DNAH9: variants seen among roughly 807,000 people sequenced by gnomAD.
The protein encoded by DNAH9 is DNAH9 variant protein.
A neutral mutation model predicts 471.6 loss-of-function variants in DNAH9; 345 were observed. The observed-to-expected ratio is 0.73, with a 90% CI of 0.67 to 0.80. The LOEUF (loss-of-function observed/expected upper bound fraction) is 0.80. Ranked by LOEUF, DNAH9 falls within the 30% of genes least tolerant of loss-of-function variation. The pLI is 0.00. For synonymous variants in DNAH9, 2,093 were observed against 2,123.6 expected, an observed-to-expected ratio of 0.99 and a Z score of 0.40; for missense variants, 5,407 against 5,609.2, an observed-to-expected ratio of 0.96 and a Z score of 1.15.
intron 6 of DNAH9, among the ~76,000 whole-genome samples, chr17:11,621,824 G>A (rs536538818): frequency 7.2e-5 from 11 of 152,272 alleles, no homozygotes; most frequent in South Asian, 6.2e-4. Flanking sequence ...GCTCACGCCT[G>A]TAATCCCAGC....
chr17:11,673,056 C>T (rs1003640818), intron 17 of DNAH9, among the ~76,000 whole-genome samples: 2 of 152,332 alleles, frequency 1.3e-5, no homozygotes, highest in Non-Finnish European at 2.9e-5. Context: ...TCCACACCTG[C>T]TCCTGAGCAA....
At chr17:11,874,872 GGTGA>G in intron 52 of DNAH9, 73 bp from the exon 53 acceptor site, 2 of 1,016,652 alleles carry the variant, frequency 2.0e-6, no homozygotes, top group South Asian at 2.9e-5. Context: ...TGTGTCATTT[GGTGA>G]GTAACTGCAT....
At position 11,608,159 on chromosome 17, in the gene DNAH9, A is replaced by T; in HGVS notation, c.448A>T (p.Asn150Tyr). 6.2e-7 allele frequency: 1 copy of T among 1,609,918 alleles called. No homozygotes were observed. The highest frequency in any genetic ancestry group is 8.5e-7 in the Non-Finnish European group (1 of 1,176,598). ...TCTACCCGTCCTGGCCAATGAGAAGAATCGCCTAAACTGGCCCCACATGAT... is the reference window on the plus strand; with the variant it reads ...TCTACCCGTCCTGGCCAATGAGAAGTATCGCCTAAACTGGCCCCACATGAT... Reference protein sequence around the residue: ...VVLPVLANEKNRLNWPHMICE... With the variant: ...VVLPVLANEKYRLNWPHMICE... The change falls in exon 2 of 69, where the codon AAT (asparagine) becomes TAT (tyrosine). Residue 150 changes from asparagine to tyrosine, a missense_variant. Physicochemically the swap from Asn to Tyr is moderately radical, Grantham distance 143 (BLOSUM62 -2). Around this residue, in one of 3 missense-constraint regions of DNAH9, gnomAD observed 767 missense variants for 692.5 expected, o/e 1.11. Coordinates refer to ENST00000262442, the MANE Select transcript of DNAH9 (RefSeq NM_001372.4).
chr17:11,625,555 C>G (rs909039124), intron 6 of DNAH9, among the ~76,000 whole-genome samples: 2 of 152,174 alleles, frequency 1.3e-5, no homozygotes, highest in Non-Finnish European at 1.5e-5. Context: ...TGTGCTCTCC[C>G]TTAATGAATT....
Position 11,608,261 on chromosome 17 carries a change from A to G in DNAH9, c.550A>G (p.Thr184Ala). The G allele has an allele frequency of 1.2e-6, 2 of 1,613,862 alleles. No homozygotes were observed. Among genetic ancestry groups the G allele is most frequent in the African/African-American group, 2.7e-5 (2 of 75,054 alleles). ...TATACTTGAGCAAGTGAAGGGAAAA[A>G]CTTTGCTGCCTCTTCCAGCAGGCTC... ...SVILEQVKGKTLLPLPAGSEK... is the reference protein window; with the variant it reads ...SVILEQVKGKALLPLPAGSEK... Residue 184 changes from threonine to alanine, a missense_variant, in exon 2 of 69, where the codon ACT (threonine) becomes GCT (alanine). Thr to Ala is a moderately conservative substitution (Grantham distance 58). Around this residue, in one of 3 missense-constraint regions of DNAH9, gnomAD observed 767 missense variants for 692.5 expected, o/e 1.11. Coordinates refer to ENST00000262442, the MANE Select transcript of DNAH9 (RefSeq NM_001372.4).
chr17:11,713,081 A>G (rs2074901567), intron 26 of DNAH9, among the ~76,000 whole-genome samples: 1 of 151,938 alleles, frequency 6.6e-6, no homozygotes, highest in African/African-American at 2.4e-5. Flanking sequence ...AGACTCTAGT[A>G]TCTGTTGTTT....
intron 51 of DNAH9, among the ~76,000 whole-genome samples, chr17:11,870,016 G>T (rs894067771): frequency 5.9e-5 from 9 of 152,026 alleles, no homozygotes; most frequent in Non-Finnish European, 1.3e-4. Flanking sequence ...GGGTGCAGCT[G>T]GTCCTCTCTC....
Position 11,623,134 on chromosome 17 carries a change from T to C in DNAH9, c.1350+3353T>C, listed in dbSNP as rs2072905944. On this transcript the variant is annotated intron_variant, in intron 6 of 68. Coordinates refer to ENST00000262442, the MANE Select transcript of DNAH9 (RefSeq NM_001372.4). This position sits in a 1 kb window ranked among gnomAD's most constrained non-coding sequence, Gnocchi z 4.1. ...GATTACAGGCATGTGCCACCATGCC[T>C]GGTTAATTTTTGTATTTTTAGTAGA... Among the ~76,000 whole-genome samples the C allele has an allele frequency of 6.6e-6, 1 of 151,806 alleles. No individual in the cohort carries two copies. The highest frequency in any genetic ancestry group is 1.5e-5 in the Non-Finnish European group (1 of 67,942).
intron 2 of DNAH9, among the ~76,000 whole-genome samples, 185 bp from the exon 3 acceptor site, chr17:11,610,211 A>G (rs2072604569): frequency 2.0e-5 from 3 of 152,134 alleles, no homozygotes; most frequent in South Asian, 4.2e-4. Flanking sequence ...GAGAGGATCT[A>G]TAATTTTCGT....
In DNAH9 at chr17:11,834,892, G is replaced by T; in HGVS notation, c.9501G>T (p.Leu3167=). 1 of 1,612,400 alleles carries T rather than the reference G, an allele frequency of 6.2e-7. No individual in the cohort carries two copies. Among genetic ancestry groups the T allele is most frequent in the Non-Finnish European group, 8.5e-7 (1 of 1,179,604 alleles). The change falls in exon 49 of 69, where the codon CTG becomes CTT. Residue 3167 remains leucine, a synonymous_variant. Transcript: ENST00000262442. ...LTAAQAALNT[L]NKTNLTELKS... ...CAGCGCAGGCAGCTCTCAACACCCT[G>T]AACAAGGTAGGAGGACTGTCTGCCA...
intron 36 of DNAH9, among the ~76,000 whole-genome samples, chr17:11,764,129 A>C (rs984261190): frequency 3.9e-5 from 6 of 152,218 alleles, no homozygotes; most frequent in Admixed American, 2.0e-4. Context: ...ATTAGCATCT[A>C]GGATTGGAAA....
chr17:11,962,244 C>G lies in DNAH9; in HGVS notation c.13221C>G (p.Cys4407Trp). 1 of 1,604,196 alleles carries G rather than the reference C, an allele frequency of 6.2e-7. No homozygotes were observed. The highest frequency in any genetic ancestry group is 2.2e-5 in the East Asian group (1 of 44,736). Reference sequence around the variant, plus strand: ...ATGGCCTCTTCATGGAAGGTGCCTGCTGGGACACACAGGTAAAGCTTGGAA... The same window carrying G: ...ATGGCCTCTTCATGGAAGGTGCCTGGTGGGACACACAGGTAAAGCTTGGAA... The part of the protein sequence containing the change: ...YIHGLFMEGA[C>W]WDTQAGIITE... Residue 4407 changes from cysteine to tryptophan, a missense_variant, in exon 68 of 69, where the codon TGC becomes TGG. Cys to Trp is a radical substitution (Grantham distance 215). This residue lies in a region of DNAH9 where 4,636 missense variants were observed against 4,900.3 expected (regional missense o/e 0.95). Transcript: ENST00000262442. This position sits in a 1 kb window ranked among gnomAD's most constrained non-coding sequence, Gnocchi z 4.1.
intron 17 of DNAH9, among the ~76,000 whole-genome samples, chr17:11,676,365 C>T (rs1362223467): frequency 2.0e-5 from 3 of 148,976 alleles, no homozygotes; most frequent in Non-Finnish European, 4.4e-5. Context: ...TCACTGCAAC[C>T]TCCACCTCCC....
intron 49 of DNAH9, among the ~76,000 whole-genome samples, chr17:11,852,814 G>GTGTATA (rs1169950713): frequency 4.0e-4 from 37 of 92,672 alleles, no homozygotes; most frequent in African/African-American, 9.7e-4. Flanking sequence ...GTGTGTGTGT[G>GTGTATA]TATATATATA....
At chr17:11,938,441 G>A (rs1974784664) in intron 66 of DNAH9, among the ~76,000 whole-genome samples, 2 of 133,928 alleles carry the variant, frequency 1.5e-5, no homozygotes, top group African/African-American at 5.7e-5. Context: ...CCTGGTGACA[G>A]AGCAAGACTG....
At chr17:11,699,977 AC>A (rs2074562443) in intron 23 of DNAH9, 94 bp downstream of exon 23, 2 of 1,328,280 alleles carry the variant, frequency 1.5e-6, no homozygotes, top group African/African-American at 2.9e-5. Context: ...GGCCTTTCTG[AC>A]CTTGGTCCAG....
chr17:11,747,823 G>A (rs949139894), intron 32 of DNAH9, 57 bp downstream of exon 32: 20 of 1,457,748 alleles, frequency 1.4e-5, no homozygotes, highest in Middle Eastern at 1.8e-4. Context: ...TCCCTGTGGC[G>A]GGCTTGGATG....
At chr17:11,632,565 T>C (rs754076989) in intron 7 of DNAH9, 22 bp from the exon 8 acceptor site, 1 of 1,214,586 alleles carries the variant, frequency 8.2e-7, no homozygotes, top group Non-Finnish European at 1.2e-6. Context: ...GTTTTCCTTA[T>C]ATATATATGG....
At position 11,934,166 on chromosome 17, in the gene DNAH9, G is replaced by A. The variant is rs1031161595; in HGVS notation, c.12489+95G>A. 7 of 1,358,572 alleles carry A rather than the reference G, an allele frequency of 5.2e-6. No homozygotes were observed. The African/African-American group carries it at 7.2e-5, about 14-fold the overall frequency. The allele number at this position is 1,358,572 out of a possible 1,614,324, so 84.2% of individuals were successfully genotyped here. On this transcript the variant is annotated intron_variant, in intron 65 of 68. Transcript: ENST00000262442. ...GACCTGCACCACCAGGGAAGCCTCTGCTGGGACATCACCATGGGCTGCAGG... is the reference window on the plus strand; with the variant it reads ...GACCTGCACCACCAGGGAAGCCTCTACTGGGACATCACCATGGGCTGCAGG...
Sources: allele counts gnomAD v4.1 joint callset (sites outside exome capture counted in the v4.1 genomes callset), GRCh38; gene constraint gnomAD v4.1.1; regional missense constraint gnomAD v4.1.1; non-coding constraint Gnocchi (gnomAD v3.1); transcripts MANE v1.5; gene names NCBI Gene and HGNC (gene_info 2026-07-23, HGNC 2026-07-21).